The following DNAH12 variants were observed in gnomAD, a reference collection of about 807,000 sequenced individuals.
DNAH12 encodes dynein axonemal heavy chain 12, also known as axonemal beta dynein heavy chain 12.
A neutral mutation model predicts 371.5 loss-of-function variants in DNAH12; 285 were observed. That is an observed-to-expected ratio of 0.77 (90% CI 0.70 to 0.85). DNAH12 has a LOEUF of 0.85. DNAH12 is among the 40% of genes least tolerant of loss of function. DNAH12 has a pLI of 0.00. For missense variants in DNAH12, 3,611 were observed against 3,689.4 expected, an observed-to-expected ratio of 0.98 and a Z score of 0.55; for synonymous variants, 1,200 against 1,213.0, an observed-to-expected ratio of 0.99 and a Z score of 0.22.
chr3:57,344,815 A>G (rs1466950215), intron 60 of DNAH12, among the ~76,000 whole-genome samples: 1 of 152,206 alleles, frequency 6.6e-6, no homozygotes, highest in Non-Finnish European at 1.5e-5. Flanking sequence ...GGGATTAGGG[A>G]GAAATTTGTT....
chr3:57,526,839 G>A (rs1439885769), intron 2 of DNAH12, among the ~76,000 whole-genome samples: 1 of 145,964 alleles, frequency 6.9e-6, no homozygotes, highest in African/African-American at 2.6e-5. Context: ...TGTTGTTGTT[G>A]TTGTTTTGTT....
At chr3:57,408,663 TTTGAG>T (rs1478244609) in intron 39 of DNAH12, 128 bp from the exon 40 acceptor site, 1 of 1,204,986 alleles carries the variant, frequency 8.3e-7, no homozygotes. Context: ...CAGATAACAC[TTTGAG>T]TAGGAGAGAA....
chr3:57,512,981 AC>A (rs1161032124), intron 4 of DNAH12, among the ~76,000 whole-genome samples: 1 of 152,100 alleles, frequency 6.6e-6, no homozygotes, highest in Non-Finnish European at 1.5e-5. Flanking sequence ...TACTAAAAAT[AC>A]AAAAAAATTA....
intron 11 of DNAH12, among the ~76,000 whole-genome samples, chr3:57,499,650 ATATAT>A (rs2067456007): frequency 8.9e-5 from 3 of 33,624 alleles, no homozygotes; most frequent in African/African-American, 2.3e-4. Context: ...AAAAAAAAAT[ATATAT>A]ATATATATAT....
intron 66 of DNAH12, among the ~76,000 whole-genome samples, chr3:57,313,930 G>C (rs2061633682): frequency 6.6e-6 from 1 of 152,208 alleles, no homozygotes; most frequent in South Asian, 2.1e-4. Flanking sequence ...CAAGGGTAGA[G>C]ATGCTGCCTT....
At chr3:57,344,141 AT>A (rs1398059825) in intron 60 of DNAH12, among the ~76,000 whole-genome samples, 53 of 152,386 alleles carry the variant, frequency 3.5e-4, no homozygotes, top group African/African-American at 1.2e-3. Flanking sequence ...TCTGTGTCTT[AT>A]TTCTTTTCTC....
chr3:57,438,177 G>A (rs987391988), intron 29 of DNAH12, among the ~76,000 whole-genome samples: 1 of 152,082 alleles, frequency 6.6e-6, no homozygotes, highest in African/African-American at 2.4e-5. Context: ...CAGGCGTGGT[G>A]GCGGGCACCT....
At chr3:57,443,838 A>G (rs1010299761) in intron 29 of DNAH12, among the ~76,000 whole-genome samples, 1 of 152,222 alleles carries the variant, frequency 6.6e-6, no homozygotes, top group Admixed American at 6.5e-5. Context: ...GCAATACTAT[A>G]TATTACACAA....
chr3:57,398,665 TAAA>T (rs2063794271), intron 43 of DNAH12, among the ~76,000 whole-genome samples: 1 of 152,168 alleles, frequency 6.6e-6, no homozygotes, highest in Non-Finnish European at 1.5e-5. Flanking sequence ...TGCAGAAAGA[TAAA>T]AACCTGTCAA....
intron 11 of DNAH12, among the ~76,000 whole-genome samples, chr3:57,491,433 C>T (rs1041589978): frequency 4.6e-5 from 7 of 152,216 alleles, no homozygotes; most frequent in African/African-American, 7.2e-5. Context: ...AATTACCTAT[C>T]GGTCTATACA....
intron 2 of DNAH12, among the ~76,000 whole-genome samples, chr3:57,528,902 G>C (rs2153399666): frequency 6.6e-6 from 1 of 151,716 alleles, no homozygotes; most frequent in African/African-American, 2.4e-5. Flanking sequence ...TGGGTTCTAA[G>C]CAATTCTCCT....
upstream of DNAH12, among the ~76,000 whole-genome samples, chr3:57,545,329 T>C (rs540016668): frequency 2.0e-4 from 31 of 151,322 alleles, no homozygotes; most frequent in African/African-American, 7.0e-4. Context: ...CTTTTCTTTT[T>C]TTTTTTTTTA....
rs780726242 is a variant in DNAH12, at chr3:57,489,637, C to T, written c.1386G>A (p.Gln462=). The change falls in exon 12 of 74, where the codon CAG becomes CAA. Residue 462 remains glutamine (Q), a synonymous_variant. Transcript: ENST00000495027. ...AACGCACCATAGTGTAATGAATCCA[C>T]TGAGGCAAAAGCATTATTTCTGAGG... ...SLASEIMLLP[Q]WIHYTMVRLD... 67 of 1,532,136 alleles carry T rather than the reference C, an allele frequency of 4.4e-5. No individual in the cohort carries two copies. In the Admixed American group the frequency reaches 1.4e-3, roughly 32 times the overall value. The allele number at this position is 1,532,136 out of a possible 1,614,324, so 94.9% of individuals were successfully genotyped here.
At chr3:57,322,959 A>G in intron 64 of DNAH12, 48 bp downstream of exon 64, 42 of 1,534,332 alleles carry the variant, frequency 2.7e-5, no homozygotes, top group Non-Finnish European at 3.6e-5. Context: ...AATAAGATAT[A>G]CAGATAGCTA....
chr3:57,421,982 C>T (rs998841420), intron 35 of DNAH12, among the ~76,000 whole-genome samples: 1 of 146,566 alleles, frequency 6.8e-6, no homozygotes, highest in African/African-American at 2.6e-5. Context: ...TCTCAACTCA[C>T]TGCAACCTCA....
intron 17 of DNAH12, among the ~76,000 whole-genome samples, chr3:57,466,713 T>C (rs1392813336): frequency 6.6e-6 from 1 of 152,150 alleles, no homozygotes; most frequent in African/African-American, 2.4e-5. Flanking sequence ...GTTGCTGCAC[T>C]TAGTATAGGC....
At chr3:57,323,676 T>C in intron 62 of DNAH12, 57 bp from the exon 63 acceptor site, 1 of 1,415,004 alleles carries the variant, frequency 7.1e-7, no homozygotes, top group Non-Finnish European at 9.3e-7. Flanking sequence ...ATAATGGATA[T>C]GAATATTATT....
chr3:57,537,076 C>A (rs577803818), intron 2 of DNAH12, among the ~76,000 whole-genome samples: 1 of 142,820 alleles, frequency 7.0e-6, no homozygotes, highest in South Asian at 2.4e-4. Context: ...CACCTGTAGT[C>A]CCAGCTACTC....
At chr3:57,421,151 T>G (rs1457258959) in intron 36 of DNAH12, among the ~76,000 whole-genome samples, 1 of 152,116 alleles carries the variant, frequency 6.6e-6, no homozygotes, top group African/African-American at 2.4e-5. Context: ...TTAGGTTTAC[T>G]TCCTTATCAT....
Sources: gnomAD v4.1 joint callset for allele counts (sites outside exome capture counted in the v4.1 genomes callset) on GRCh38, gnomAD v4.1.1 for gene constraint, MANE v1.5 for transcripts, NCBI Gene and HGNC (gene_info 2026-07-23, HGNC 2026-07-21) for gene names.